Variants in NLGN1 observed in about 807,000 individuals in gnomAD.
The protein encoded by NLGN1 is neuroligin 1.
In NLGN1, 12 loss-of-function variants were observed where a neutral mutation model predicts 65.5. That is an observed-to-expected ratio of 0.18 (90% CI 0.12 to 0.30). The LOEUF (loss-of-function observed/expected upper bound fraction) is 0.30. Among genes scored for constraint, NLGN1 ranks in the 10% least tolerant of loss-of-function variants. NLGN1 has a pLI of 1.00. For synonymous variants in NLGN1, 350 were observed against 359.5 expected, an observed-to-expected ratio of 0.97 and a Z score of 0.30; for missense variants, 750 against 1,007.1, an observed-to-expected ratio of 0.74 and a Z score of 3.46.
At chr3:173,739,265 T>A (rs1376794811) in intron 3 of NLGN1, among the ~76,000 whole-genome samples, 1 of 151,916 alleles carries the variant, frequency 6.6e-6, no homozygotes, top group Non-Finnish European at 1.5e-5. Flanking sequence ...GCTTAAGGGG[T>A]TTAGCATTTA....
At chr3:173,535,987 A>C (rs575160343) in intron 2 of NLGN1, among the ~76,000 whole-genome samples, 2 of 152,346 alleles carry the variant, frequency 1.3e-5, no homozygotes, top group Non-Finnish European at 2.9e-5. Context: ...CCTCAGTCTC[A>C]GAAGTTTTAC....
At chr3:174,129,398 CACTCAT>C (rs964545780) in intron 4 of NLGN1, among the ~76,000 whole-genome samples, 11 of 145,872 alleles carry the variant, frequency 7.5e-5, no homozygotes, top group African/African-American at 2.6e-4. Context: ...CACACACACA[CACTCAT>C]TCATTCATTC....
At chr3:173,859,397 G>A (rs937135533) in intron 4 of NLGN1, among the ~76,000 whole-genome samples, 4 of 152,062 alleles carry the variant, frequency 2.6e-5, no homozygotes, top group African/African-American at 9.7e-5. Context: ...ACCTAGCAAA[G>A]TTGTTTTGAT....
intron 3 of NLGN1, among the ~76,000 whole-genome samples, chr3:173,797,979 T>C (rs147311846): frequency 1.4e-4 from 22 of 152,078 alleles, no homozygotes; most frequent in African/African-American, 4.3e-4. Flanking sequence ...TGATTCCTCA[T>C]AGAAATCATG....
intron 4 of NLGN1, among the ~76,000 whole-genome samples, chr3:173,841,461 G>A (rs994105823): frequency 1.3e-5 from 2 of 152,154 alleles, no homozygotes; most frequent in Admixed American, 1.3e-4. Flanking sequence ...GATGAATTCA[G>A]CTATTTGTGT....
chr3:173,832,917 A>G (rs190113969), intron 4 of NLGN1, among the ~76,000 whole-genome samples: 41 of 152,248 alleles, frequency 2.7e-4, no homozygotes, highest in African/African-American at 9.4e-4. Flanking sequence ...GTAAAGGTAT[A>G]TTGGCAATCT....
intron 2 of NLGN1, among the ~76,000 whole-genome samples, chr3:173,505,600 T>C (rs1394041332): frequency 6.6e-6 from 1 of 152,052 alleles, no homozygotes; most frequent in Non-Finnish European, 1.5e-5. Context: ...CTTGGAATAT[T>C]ACCTCCACCT....
intron 4 of NLGN1, among the ~76,000 whole-genome samples, chr3:174,073,956 G>A (rs145732734): frequency 1.2e-3 from 181 of 152,318 alleles, no homozygotes; most frequent in African/African-American, 4.1e-3. Flanking sequence ...TTCCTGGAAT[G>A]AGGTAATAAG....
chr3:173,620,247 A>G (rs1753772657), intron 3 of NLGN1, among the ~76,000 whole-genome samples: 1 of 152,146 alleles, frequency 6.6e-6, no homozygotes, highest in Non-Finnish European at 1.5e-5. Context: ...CAAGGCAATA[A>G]CTGTGGGGTA....
intron 3 of NLGN1, among the ~76,000 whole-genome samples, chr3:173,692,083 G>A (rs557177092): frequency 2.6e-5 from 4 of 151,974 alleles, no homozygotes; most frequent in Non-Finnish European, 5.9e-5. Context: ...CAGTTACCAG[G>A]AAATAAAATT....
At chr3:173,802,600 A>C (rs535278943) in intron 3 of NLGN1, among the ~76,000 whole-genome samples, 1 of 152,296 alleles carries the variant, frequency 6.6e-6, no homozygotes, top group African/African-American at 2.4e-5. Flanking sequence ...AATTGTGATC[A>C]ATATTGAATT....
chr3:173,542,041 G>A (rs1738970450), intron 2 of NLGN1, among the ~76,000 whole-genome samples: 1 of 151,912 alleles, frequency 6.6e-6, no homozygotes, highest in African/African-American at 2.4e-5. Context: ...TACTTAAACT[G>A]TGATTTATGA....
chr3:173,949,099 CAG>C (rs1259959231), intron 4 of NLGN1, among the ~76,000 whole-genome samples: 1 of 151,926 alleles, frequency 6.6e-6, no homozygotes, highest in Non-Finnish European at 1.5e-5. Context: ...ACAAGATAAT[CAG>C]AGTAAATGAG....
chr3:173,914,007 G>A (rs879914699), intron 4 of NLGN1, among the ~76,000 whole-genome samples: 6 of 152,126 alleles, frequency 3.9e-5, no homozygotes, highest in Admixed American at 3.9e-4. Flanking sequence ...CTCCAGTCTA[G>A]TGTGCTCGCA....
chr3:173,544,994 A>G (rs1238658323), intron 2 of NLGN1, among the ~76,000 whole-genome samples: 1 of 152,122 alleles, frequency 6.6e-6, no homozygotes, highest in Non-Finnish European at 1.5e-5. Context: ...AAAGTTGTCT[A>G]TTATATTTAA....
At position 174,039,700 on chromosome 3, in the gene NLGN1, A is replaced by G. The variant is rs144664139; in HGVS notation, c.646+231868A>G. ...ATACGCCTGAAAAGTGAAAATAGCA[A>G]TAGAGTGATTTCCAGGGCCAAAGAA... On this transcript the variant is annotated intron_variant, in intron 4 of 6. Transcript: ENST00000457714. 2.5e-3 allele frequency among the ~76,000 whole-genome samples: 378 copies of G among 152,256 alleles called. 1 individual carries two copies. Among genetic ancestry groups the G allele is most frequent in the African/African-American group, 8.7e-3 (360 of 41,550 alleles).
intron 4 of NLGN1, among the ~76,000 whole-genome samples, chr3:174,157,011 G>A (rs1725567509): frequency 6.7e-6 from 1 of 148,930 alleles, no homozygotes; most frequent in Non-Finnish European, 1.5e-5. Flanking sequence ...TAATATAAAT[G>A]TAGAAAAAAA....
At chr3:174,260,010 G>A (rs2152856611) in intron 4 of NLGN1, among the ~76,000 whole-genome samples, 1 of 152,140 alleles carries the variant, frequency 6.6e-6, no homozygotes, top group Admixed American at 6.5e-5. Context: ...CAAAGGACAA[G>A]AACTCATCAT....
At position 174,116,448 on chromosome 3, in the gene NLGN1, A is replaced by C. The variant is rs1716495997; in HGVS notation, c.647-158867A>C. On this transcript the variant is annotated intron_variant, in intron 4 of 6. Transcript: ENST00000457714. The stretch of plus-strand genomic sequence containing the variant: ...CACCTTGCAGGTTCAAGGGATTCTC[A>C]TATCTCAGCCTCCTGAGTAGCTGGG... Among the ~76,000 whole-genome samples, 4 of 144,178 alleles carry C rather than the reference A, an allele frequency of 2.8e-5. No homozygotes were observed. In the Admixed American group the frequency reaches 3.0e-4, roughly 11 times the overall value. 94.6% of individuals were successfully genotyped at this position (144,178 alleles called of 152,430 possible). A position where few individuals can be genotyped will look rare whatever the true frequency, so the allele number is the denominator to read the frequency against.
Sources: gnomAD v4.1 joint callset for allele counts (sites outside exome capture counted in the v4.1 genomes callset) on GRCh38, gnomAD v4.1.1 for gene constraint, MANE v1.5 for transcripts, NCBI Gene and HGNC (gene_info 2026-07-23, HGNC 2026-07-21) for gene names.